Variants in PCP4 observed in about 807,000 individuals in gnomAD.
The protein encoded by PCP4 is Purkinje cell protein 4, also known as calmodulin regulator protein PCP4.
In PCP4, 8 loss-of-function variants were observed where a neutral mutation model predicts 10.0. The ratio of observed to expected loss-of-function variants is 0.80; its 90% CI spans 0.47 to 1.45. The LOEUF (loss-of-function observed/expected upper bound fraction) is 1.45. PCP4 is among the 40% of genes most tolerant of loss of function. PCP4 has a pLI of 0.00. For synonymous variants in PCP4, 21 were observed against 23.0 expected, an observed-to-expected ratio of 0.91 and a Z score of 0.24; for missense variants, 54 against 74.4, an observed-to-expected ratio of 0.73 and a Z score of 1.01.
At chr21:39,896,179 G>A (rs1601179574) in intron 1 of PCP4, among the ~76,000 whole-genome samples, 1 of 152,136 alleles carries the variant, frequency 6.6e-6, no homozygotes, top group East Asian at 1.9e-4. Flanking sequence ...CATTTGAAAG[G>A]CATCCATATT....
At chr21:39,885,997 C>G (rs2087399075) in intron 1 of PCP4, among the ~76,000 whole-genome samples, 1 of 152,210 alleles carries the variant, frequency 6.6e-6, no homozygotes, top group Non-Finnish European at 1.5e-5. Flanking sequence ...TAGATGCTGT[C>G]TTCTCCCTGT....
At chr21:39,900,288 GC>G (rs1568856413) in intron 2 of PCP4, among the ~76,000 whole-genome samples, 1 of 152,082 alleles carries the variant, frequency 6.6e-6, no homozygotes, top group East Asian at 1.9e-4. Flanking sequence ...ACCCGCCTCG[GC>G]CCCCCAAAGT....
intron 2 of PCP4, chr21:39,925,973 C>G: frequency 1.3e-5 from 6 of 454,554 alleles, no homozygotes; most frequent in South Asian, 9.3e-5. Flanking sequence ...ACTTTCCTGA[C>G]TTCCAGGGCC....
intron 1 of PCP4, among the ~76,000 whole-genome samples, chr21:39,893,903 T>C (rs775710180): frequency 6.6e-6 from 1 of 152,104 alleles, no homozygotes; most frequent in African/African-American, 2.4e-5. Context: ...ATGATGTAGA[T>C]AGACACAGAG....
intron 1 of PCP4, among the ~76,000 whole-genome samples, chr21:39,885,329 A>G (rs112040839): frequency 6.6e-6 from 1 of 152,136 alleles, no homozygotes; most frequent in African/African-American, 2.4e-5. Context: ...GGTTGCTAAG[A>G]AGCAACGAGC....
chr21:39,900,692 C>T (rs2087478599), intron 2 of PCP4, among the ~76,000 whole-genome samples: 1 of 152,028 alleles, frequency 6.6e-6, no homozygotes, highest in Non-Finnish European at 1.5e-5. Flanking sequence ...TGGCCTGCAT[C>T]CCATGGGATG....
chr21:39,884,556 G>C (rs1356986537), intron 1 of PCP4, among the ~76,000 whole-genome samples: 1 of 152,052 alleles, frequency 6.6e-6, no homozygotes, highest in Non-Finnish European at 1.5e-5. Context: ...CAGCACTCTG[G>C]GAGGCTGAGG....
At chr21:39,886,464 G>A (rs1161050192) in intron 1 of PCP4, among the ~76,000 whole-genome samples, 1 of 152,140 alleles carries the variant, frequency 6.6e-6, no homozygotes, top group East Asian at 1.9e-4. Context: ...AATTAGCTGG[G>A]CATGGTGGTA....
intron 1 of PCP4, among the ~76,000 whole-genome samples, chr21:39,881,233 G>A (rs1024578261): frequency 6.6e-6 from 1 of 152,116 alleles, no homozygotes; most frequent in African/African-American, 2.4e-5. Flanking sequence ...ATGTTGGGGG[G>A]AGAAACCTGG....
intron 1 of PCP4, among the ~76,000 whole-genome samples, chr21:39,877,944 A>G (rs1054000662): frequency 1.2e-4 from 18 of 152,188 alleles, no homozygotes; most frequent in Admixed American, 3.9e-4. Context: ...ACCATTGCAT[A>G]TATAATCAGT....
intron 2 of PCP4, among the ~76,000 whole-genome samples, chr21:39,923,821 A>C: frequency 6.6e-6 from 1 of 152,230 alleles, no homozygotes; most frequent in East Asian, 1.9e-4. Context: ...TGGACACAGA[A>C]GCTCTGCAAA....
intron 1 of PCP4, among the ~76,000 whole-genome samples, chr21:39,883,040 C>T (rs141297528): frequency 1.3e-5 from 2 of 152,324 alleles, no homozygotes; most frequent in Non-Finnish European, 2.9e-5. Flanking sequence ...GCATCTGGCT[C>T]ATATACCAGC....
intron 2 of PCP4, among the ~76,000 whole-genome samples, chr21:39,922,785 G>C (rs565699910): frequency 6.6e-6 from 1 of 152,342 alleles, no homozygotes; most frequent in African/African-American, 2.4e-5. Context: ...AGCAGTTCAC[G>C]TAGCTGCCCA....
chr21:39,876,909 A>T (rs957267460), intron 1 of PCP4, among the ~76,000 whole-genome samples: 1 of 152,102 alleles, frequency 6.6e-6, no homozygotes, highest in African/African-American at 2.4e-5. Context: ...CTGCTTAAGG[A>T]CGGTTGACCT....
chr21:39,928,866 G>A, intron 2 of PCP4, 118 bp from the exon 3 acceptor site: 1 of 945,200 alleles, frequency 1.1e-6, no homozygotes, highest in Non-Finnish European at 1.6e-6. Flanking sequence ...TGGGGTGTAA[G>A]TTAAGCCCCT....
chr21:39,898,627 T>C, intron 2 of PCP4, 100 bp downstream of exon 2: 5 of 869,896 alleles, frequency 5.7e-6, no homozygotes, highest in Admixed American at 4.0e-5. Context: ...AACAGCTTAC[T>C]ATATGTGTCT....
At chr21:39,908,536 G>T (rs2087523943) in intron 2 of PCP4, among the ~76,000 whole-genome samples, 1 of 152,182 alleles carries the variant, frequency 6.6e-6, no homozygotes, top group African/African-American at 2.4e-5. Flanking sequence ...CAGGAGGGAG[G>T]AGGAGAGTAG....
intron 2 of PCP4, among the ~76,000 whole-genome samples, chr21:39,928,649 C>A (rs2087636200): frequency 6.6e-6 from 1 of 152,150 alleles, no homozygotes; most frequent in Non-Finnish European, 1.5e-5. Context: ...TTAAATGGTA[C>A]CTCTGTGAGA....
At chr21:39,889,054 G>A (rs2087415601) in intron 1 of PCP4, among the ~76,000 whole-genome samples, 1 of 152,206 alleles carries the variant, frequency 6.6e-6, no homozygotes, top group Non-Finnish European at 1.5e-5. Context: ...ATCCCTGCGT[G>A]GCTTGATCAC....
Sources: allele counts gnomAD v4.1 joint callset (sites outside exome capture counted in the v4.1 genomes callset), GRCh38; gene constraint gnomAD v4.1.1; transcripts MANE v1.5; gene names NCBI Gene and HGNC (gene_info 2026-07-23, HGNC 2026-07-21).